Variants in TJP2 observed in about 807,000 individuals in gnomAD.
TJP2 encodes the protein tight junction protein 2.
A neutral mutation model predicts 133.1 loss-of-function variants in TJP2; 91 were observed. The observed-to-expected ratio is 0.68, with a 90% CI of 0.58 to 0.81. The LOEUF (loss-of-function observed/expected upper bound fraction) is 0.81. Among genes scored for constraint, TJP2 ranks in the 40% least tolerant of loss-of-function variants. The pLI, the probability that TJP2 is intolerant of heterozygous loss-of-function variation, is 0.00. For synonymous variants in TJP2, 592 were observed against 583.4 expected (o/e 1.01, Z -0.21); for missense variants, 1,541 against 1,565.6 (o/e 0.98, Z 0.26).
intron 1 of TJP2, among the ~76,000 whole-genome samples, chr9:69,135,977 C>T (rs1822714200): frequency 6.6e-6 from 1 of 152,140 alleles, no homozygotes; most frequent in Non-Finnish European, 1.5e-5. Context: ...TATTGGACGT[C>T]AGTCAAGTGC....
Position 69,253,939 on chromosome 9 carries a change from G to A in TJP2, c.3408-270G>A, listed in dbSNP as rs74975442. The A allele has an allele frequency of 6.6e-4, 330 of 502,294 alleles. 1 individual carries two copies. In the East Asian group the frequency reaches 0.011, roughly 17 times the overall value. The allele number at this position is 502,294 out of a possible 1,614,324, so 31.1% of individuals were successfully genotyped here. A position where few individuals can be genotyped will look rare whatever the true frequency, so the allele number is the denominator to read the frequency against. ...GTGAGACTAGCCAGGGAGCTTAGGG[G>A]TAAGGAGGGCACCCCCTGTCCAACA... On this transcript the variant is annotated intron_variant, in intron 22 of 22. Coordinates refer to ENST00000377245, the MANE Select transcript of TJP2 (RefSeq NM_004817.4).
intron 1 of TJP2, among the ~76,000 whole-genome samples, chr9:69,141,180 G>A (rs759142713): frequency 6.6e-5 from 10 of 152,272 alleles, no homozygotes; most frequent in African/African-American, 1.9e-4. Flanking sequence ...AGGACTGAGA[G>A]TACTCAGAGA....
At chr9:69,252,108 C>T (rs573637327) in intron 21 of TJP2, among the ~76,000 whole-genome samples, 34 of 152,274 alleles carry the variant, frequency 2.2e-4, no homozygotes, top group Middle Eastern at 3.4e-3. Flanking sequence ...GATACTCCCA[C>T]CTCAGCCTCC....
rs1293298167 is a variant in TJP2, at chr9:69,124,995, C to T, written c.-131+3270C>T. Among the ~76,000 whole-genome samples, 49 of 76,776 alleles carry T rather than the reference C, an allele frequency of 6.4e-4. 15 individuals are homozygous for T. Among genetic ancestry groups the T allele is most frequent in the African/African-American group, 1.9e-3 (48 of 25,036 alleles). The allele number at this position is 76,776 out of a possible 152,430, so 50.4% of individuals were successfully genotyped here. A position where few individuals can be genotyped will look rare whatever the true frequency, so the allele number is the denominator to read the frequency against. On this transcript the variant is annotated intron_variant, in intron 1 of 5. Transcript: ENST00000423935. ...GAGATGGAGTTTCGCTCTTGTCACCCAGGCTGGAGTGCAACGGCGCGATCT... is the reference window on the plus strand; with the variant it reads ...GAGATGGAGTTTCGCTCTTGTCACCTAGGCTGGAGTGCAACGGCGCGATCT...
At position 69,221,266 on chromosome 9, in the gene TJP2, G is replaced by T. The variant is rs943205124; in HGVS notation, c.722G>T (p.Arg241Leu). 1 of 1,608,068 alleles carries T rather than the reference G, an allele frequency of 6.2e-7. No homozygotes were observed. The highest frequency in any genetic ancestry group is 8.5e-7 in the Non-Finnish European group (1 of 1,177,700). ...PSRDRDRDRS[R>L]GRSIDQDYER... ...CGGGACCGGGACCGTGACCGCAGCC[G>T]CGGCCGGAGCATTGACCAGGACTAC... is the stretch of plus-strand genomic sequence containing the variant. The change falls in exon 5 of 23, where the codon CGC becomes CTC. Residue 241 changes from arginine (R) to leucine (L), a missense_variant. Transcript: ENST00000377245.
chr9:69,223,069 G>GGAAAAAA (rs1405334479), intron 5 of TJP2, among the ~76,000 whole-genome samples: 6 of 114,080 alleles, frequency 5.3e-5, no homozygotes, highest in African/African-American at 1.8e-4. Flanking sequence ...ACTCTGTCTT[G>GGAAAAAA]AAAAAAAAAA....
At chr9:69,196,277 CT>C (rs1339628057) in intron 1 of TJP2, among the ~76,000 whole-genome samples, 2 of 152,348 alleles carry the variant, frequency 1.3e-5, no homozygotes, top group African/African-American at 4.8e-5. Flanking sequence ...TCCTCTGCCA[CT>C]TTTTACTTGT....
intron 3 of TJP2, among the ~76,000 whole-genome samples, chr9:69,216,678 G>A (rs1432706912): frequency 6.6e-6 from 1 of 152,196 alleles, no homozygotes; most frequent in Non-Finnish European, 1.5e-5. Flanking sequence ...GGAGCGAGGA[G>A]GGCAGTTGTT....
chr9:69,133,035 C>A (rs1252638269), intron 1 of TJP2, among the ~76,000 whole-genome samples: 1 of 152,156 alleles, frequency 6.6e-6, no homozygotes, highest in African/African-American at 2.4e-5. Flanking sequence ...AATCTCGACT[C>A]ACTGCAACTT....
intron 17 of TJP2, among the ~76,000 whole-genome samples, chr9:69,245,116 A>G (rs1228425783): frequency 6.6e-6 from 1 of 152,216 alleles, no homozygotes; most frequent in Non-Finnish European, 1.5e-5. Context: ...GAGTACCATA[A>G]TAGGAATAGA....
chr9:69,244,590 C>A (rs1398405784), intron 17 of TJP2, among the ~76,000 whole-genome samples: 1 of 152,178 alleles, frequency 6.6e-6, no homozygotes, highest in Non-Finnish European at 1.5e-5. Flanking sequence ...AGGTTAGGAG[C>A]AACAGATAAT....
At position 69,225,284 on chromosome 9, in the gene TJP2, T is replaced by C; in HGVS notation, c.953-20T>C. 1 of 1,504,128 alleles carries C rather than the reference T, an allele frequency of 6.6e-7. No individual in the cohort carries two copies. Among genetic ancestry groups the C allele is most frequent in the Non-Finnish European group, 9.3e-7 (1 of 1,080,540 alleles). The allele number at this position is 1,504,128 out of a possible 1,614,324, so 93.2% of individuals were successfully genotyped here. A position where few individuals can be genotyped will look rare whatever the true frequency, so the allele number is the denominator to read the frequency against. ...AACAAATTGATAACATACGTGTATG[T>C]TTATGTGTTTGTCTCCTAGAGTATG... On this transcript the variant is annotated intron_variant, in intron 5 of 22. Transcript: ENST00000377245.
Position 69,215,862 on chromosome 9 carries a change from C to T in TJP2, c.115-477C>T, listed in dbSNP as rs367800245. 2.6e-4 allele frequency among the ~76,000 whole-genome samples: 40 copies of T among 152,168 alleles called. No homozygotes were observed. The East Asian group carries it at 4.2e-3, about 16-fold the overall frequency. ...AGGCTGTAGTGAGTAGTGATCACAC[C>T]GCTGCACTCCAGCCTAGCAACAGAT... On this transcript the variant is annotated intron_variant, in intron 2 of 22. Coordinates refer to ENST00000377245, the MANE Select transcript of TJP2 (RefSeq NM_004817.4).
intron 1 of TJP2, among the ~76,000 whole-genome samples, chr9:69,179,906 A>T (rs1222880311): frequency 6.6e-6 from 1 of 152,180 alleles, no homozygotes; most frequent in East Asian, 1.9e-4. Flanking sequence ...CAAGGATCTT[A>T]TGTCACATTC....
At chr9:69,221,538 TG>T (rs1327346630) in intron 5 of TJP2, 42 bp downstream of exon 5, 4 of 1,578,774 alleles carry the variant, frequency 2.5e-6, no homozygotes, top group Admixed American at 1.8e-5. Flanking sequence ...TGTTGTGATA[TG>T]AATAACCTTT....
intron 4 of TJP2, among the ~76,000 whole-genome samples, chr9:69,218,842 C>G (rs951707108): frequency 6.6e-6 from 1 of 152,170 alleles, no homozygotes; most frequent in African/African-American, 2.4e-5. Context: ...TGGGGCCAAT[C>G]TGTGTTGCAA....
At chr9:69,248,292 C>T (rs534512282) in intron 19 of TJP2, 68 bp downstream of exon 19, 121 of 1,524,320 alleles carry the variant, frequency 7.9e-5, no homozygotes, top group Non-Finnish European at 9.7e-6. Context: ...TCGTGGACAG[C>T]TGTGTGTTCA....
chr9:69,183,085 T>C (rs1036817196), intron 1 of TJP2, among the ~76,000 whole-genome samples: 1 of 152,076 alleles, frequency 6.6e-6, no homozygotes, highest in Non-Finnish European at 1.5e-5. Context: ...GCGTGAGCCA[T>C]TGTGCCTGGC....
chr9:69,221,338 A>G lies in TJP2; in HGVS notation c.794A>G (p.Tyr265Cys), dbSNP rs1261418052. The stretch of plus-strand genomic sequence containing the variant: ...TACGACCCAGACTACGAGCGGGCCT[A>G]CAGCCCGGAGTACAGGCGCGGGGCC... ...RAYDPDYERA[Y>C]SPEYRRGARH... Residue 265 changes from tyrosine (Y) to cysteine (C), a missense_variant, in exon 5 of 23, where the codon TAC becomes TGC. By Grantham distance (194) the Tyr-to-Cys change is radical. Transcript: ENST00000377245. 7 of 1,594,206 alleles carry G rather than the reference A, an allele frequency of 4.4e-6. No individual in the cohort carries two copies. Among genetic ancestry groups the G allele is most frequent in the Non-Finnish European group, 6.0e-6 (7 of 1,170,816 alleles).
Sources: gnomAD v4.1 joint callset for allele counts (sites outside exome capture counted in the v4.1 genomes callset) on GRCh38, gnomAD v4.1.1 for gene constraint, MANE v1.5 for transcripts, NCBI Gene and HGNC (gene_info 2026-07-23, HGNC 2026-07-21) for gene names.